LFNG: variants seen among roughly 807,000 people sequenced by gnomAD.
LFNG encodes beta-1,3-N-acetylglucosaminyltransferase lunatic fringe.
A neutral mutation model predicts 32.7 loss-of-function variants in LFNG; 15 were observed. The ratio of observed to expected loss-of-function variants is 0.46; its 90% CI spans 0.31 to 0.71. The LOEUF (loss-of-function observed/expected upper bound fraction) is 0.71. Among genes scored for constraint, LFNG ranks in the 30% least tolerant of loss-of-function variants. The probability of loss-of-function intolerance (pLI) is 0.06; values close to 1 mark genes in which losing one functional copy is unlikely to be tolerated. For synonymous variants in LFNG, 274 were observed against 246.8 expected, an observed-to-expected ratio of 1.11 and a Z score of -1.03; for missense variants, 520 against 545.7, an observed-to-expected ratio of 0.95 and a Z score of 0.47.
upstream of LFNG, among the ~76,000 whole-genome samples, chr7:2,514,271 C>A (rs558827821): frequency 1.3e-5 from 2 of 152,352 alleles, no homozygotes; most frequent in East Asian, 3.9e-4. Flanking sequence ...CGCCTTTGAG[C>A]CCTCTGTGTA....
rs756932337 is a variant in LFNG, at chr7:2,525,494, G to C, written c.662G>C (p.Arg221Pro). 1 of 1,612,376 alleles carries C rather than the reference G, an allele frequency of 6.2e-7. No individual in the cohort carries two copies. The highest frequency in any genetic ancestry group is 8.5e-7 in the Non-Finnish European group (1 of 1,179,868). Residue 221 changes from arginine (R) to proline (P), a missense_variant, in exon 4 of 8, where the codon CGG (arginine) becomes CCG (proline). Coordinates refer to ENST00000222725, the MANE Select transcript of LFNG (RefSeq NM_001040167.2). ...CTGCTGGCCAGCTACCCGCACACGC[G>C]GGACGTCTACGTCGGCAAGCCCAGC... ...LRLLASYPHTRDVYVGKPSLD... is the reference protein window; with the variant it reads ...LRLLASYPHTPDVYVGKPSLD...
upstream of LFNG, chr7:2,517,686 G>T (rs1451973999): frequency 2.2e-6 from 1 of 462,768 alleles, no homozygotes. Flanking sequence ...ACCCACCATC[G>T]GTGCCACTGA....
chr7:2,525,629 G>A, intron 4 of LFNG, 56 bp from the exon 5 acceptor site: 4 of 1,611,700 alleles, frequency 2.5e-6, no homozygotes, highest in Non-Finnish European at 3.4e-6. Flanking sequence ...GAGTGGGGGT[G>A]GGACCGTGAG....
chr7:2,522,610 C>T (rs1041762963), intron 1 of LFNG, among the ~76,000 whole-genome samples: 12 of 148,384 alleles, frequency 8.1e-5, no homozygotes, highest in Non-Finnish European at 1.8e-4. Flanking sequence ...CCCGGCTCTT[C>T]CTCCTGCAGC....
Position 2,527,461 on chromosome 7 carries a change from G to T in LFNG, c.*249G>T, listed in dbSNP as rs535224381. On this transcript the variant is annotated 3_prime_UTR_variant, in exon 8 of 8. Coordinates refer to ENST00000222725, the MANE Select transcript of LFNG (RefSeq NM_001040167.2). The surrounding 1 kb of genome is among the most constrained non-coding windows in gnomAD (Gnocchi z 4.4). ...GCTCCGAGGGCCAGTGGGCTGCAGG[G>T]CCTGCTTGGAGGAAGGATTTGTGTG... The T allele has an allele frequency of 3.7e-5, 52 of 1,414,044 alleles. No homozygotes were observed. The highest frequency in any genetic ancestry group is 4.8e-5 in the Non-Finnish European group (52 of 1,084,404). The allele number at this position is 1,414,044 out of a possible 1,614,324, so 87.6% of individuals were successfully genotyped here. A position where few individuals can be genotyped will look rare whatever the true frequency, so the allele number is the denominator to read the frequency against.
At chr7:2,517,739 G>T (rs902467987), upstream of LFNG, 7 of 551,974 alleles carry the variant, frequency 1.3e-5, no homozygotes, top group African/African-American at 3.9e-5. Context: ...ACATATTTGG[G>T]GGCTTGGCCA....
At position 2,520,391 on chromosome 7, in the gene LFNG, C is replaced by T. The variant is rs1779758246; in HGVS notation, c.432+98C>T. Reference sequence around the variant, plus strand: ...GTCCCATGGGAGTCAGGCTGCATCCCCATCCAGCCACTAGGGCCATCTGTG... The same window carrying T: ...GTCCCATGGGAGTCAGGCTGCATCCTCATCCAGCCACTAGGGCCATCTGTG... On this transcript the variant is annotated intron_variant, in intron 1 of 7. Coordinates refer to ENST00000222725, the MANE Select transcript of LFNG (RefSeq NM_001040167.2). The surrounding 1 kb of genome is among the most constrained non-coding windows in gnomAD (Gnocchi z 5.0). 6 of 1,144,530 alleles carry T rather than the reference C, an allele frequency of 5.2e-6. No individual in the cohort carries two copies. Among genetic ancestry groups the T allele is most frequent in the Non-Finnish European group, 7.4e-6 (6 of 807,210 alleles). The allele number at this position is 1,144,530 out of a possible 1,614,324, so 70.9% of individuals were successfully genotyped here.
At chr7:2,522,936 T>C (rs115442910) in intron 1 of LFNG, among the ~76,000 whole-genome samples, 3,230 of 152,268 alleles carry the variant, frequency 0.021, 99 homozygotes, top group African/African-American at 0.073. Context: ...GCAGCGCCTT[T>C]TTCCTCCCCT....
In LFNG at chr7:2,519,895, G is replaced by T. The variant is rs1367050886; in HGVS notation, c.34G>T (p.Ala12Ser). Residue 12 changes from alanine (A) to serine (S), a missense_variant, in exon 1 of 8, where the codon GCG becomes TCG. Physicochemically the swap from Ala to Ser is moderately conservative, Grantham distance 99. This residue lies in a region of LFNG where 360 missense variants were observed against 354.7 expected (regional missense o/e 1.01). Transcript: ENST00000222725. ...LKRCGRRLLL[A>S]LAGALLACLL... ...GCGCTGCGGCCGGCGCCTGCTGCTG[G>T]CGCTGGCGGGCGCGCTGCTCGCCTG... 2 of 1,101,364 alleles carry T rather than the reference G, an allele frequency of 1.8e-6. No individual in the cohort carries two copies. The highest frequency in any genetic ancestry group is 2.2e-6 in the Non-Finnish European group (2 of 900,104). The allele number at this position is 1,101,364 out of a possible 1,614,324, so 68.2% of individuals were successfully genotyped here.
intron 1 of LFNG, among the ~76,000 whole-genome samples, chr7:2,523,163 A>G (rs1382144174): frequency 6.6e-6 from 1 of 152,190 alleles, no homozygotes; most frequent in Non-Finnish European, 1.5e-5. Context: ...CTTTTAACCC[A>G]GCGGCGCAGT....
Position 2,525,444 on chromosome 7 carries a change from C to T in LFNG, c.612C>T (p.Tyr204=), listed in dbSNP as rs147266260. 2.6e-4 allele frequency: 425 copies of T among 1,612,848 alleles called. No homozygotes were observed. In the African/African-American group the frequency reaches 3.4e-3, roughly 13 times the overall value. ...KWFCHVDDDN[Y]VNLRALLRLL... is the part of the protein sequence containing the mutation. ...TCTGCCACGTGGACGATGACAACTACGTCAACCTGCGGGCCCTGCTGCGGC... is the reference window on the plus strand; with the variant it reads ...TCTGCCACGTGGACGATGACAACTATGTCAACCTGCGGGCCCTGCTGCGGC... Residue 204 remains tyrosine (Y), a synonymous_variant, in exon 4 of 8, where the codon TAC becomes TAT. Transcript: ENST00000222725.
At chr7:2,513,162 A>C, upstream of LFNG, 10 of 1,613,698 alleles carry the variant, frequency 6.2e-6, no homozygotes, top group Non-Finnish European at 8.5e-6. Context: ...CCCAGTGCCA[A>C]GCAGATCTGG....
chr7:2,516,374 C>A (rs1395964430), upstream of LFNG, among the ~76,000 whole-genome samples: 1 of 152,226 alleles, frequency 6.6e-6, no homozygotes, highest in African/African-American at 2.4e-5. Context: ...GGAAGGCAGG[C>A]CAGAGCAGCC....
At chr7:2,512,546 T>C in exon 1 of LFNG, 2 of 927,508 alleles carry the variant, frequency 2.2e-6, no homozygotes, top group Non-Finnish European at 3.4e-6. Flanking sequence ...GCTGCAACAC[T>C]GGCAGAGCCT....
rs151053753 is a variant in LFNG, at chr7:2,524,742, G to A, written c.480G>A (p.Thr160=). ...DGEDEALARH[T]GNVVITNCSA... Reference sequence around the variant, plus strand: ...AAGATGAGGCCCTGGCCAGGCACACGGGTGAGCCCTGGACTTGGGGCGGGA... The same window carrying A: ...AAGATGAGGCCCTGGCCAGGCACACAGGTGAGCCCTGGACTTGGGGCGGGA... The change falls in exon 2 of 8, where the codon ACG becomes ACA. Residue 160 remains threonine, a splice_region_variant and synonymous_variant. Transcript: ENST00000222725. The A allele has an allele frequency of 1.6e-4, 256 of 1,587,660 alleles. No homozygotes were observed. Among genetic ancestry groups the A allele is most frequent in the Non-Finnish European group, 2.1e-4 (242 of 1,167,086 alleles).
chr7:2,520,034 G>C lies in LFNG; in HGVS notation c.173G>C (p.Gly58Ala), dbSNP rs1469779486. ...GGGGCTGCCCCGGCGCCCGGGCTGG[G>C]GGCGGCGGCGGCGGCGCCCGGGGCG... is the stretch of plus-strand genomic sequence containing the variant. ...PAGAAPAPGL[G>A]AAAAAPGALV... Residue 58 changes from glycine to alanine, a missense_variant, in exon 1 of 8, where the codon GGG (glycine) becomes GCG (alanine). Gly to Ala is a moderately conservative substitution (Grantham distance 60, BLOSUM62 0). Coordinates refer to ENST00000222725, the MANE Select transcript of LFNG (RefSeq NM_001040167.2). This position sits in a 1 kb window ranked among gnomAD's most constrained non-coding sequence, Gnocchi z 5.0. 8 of 1,049,120 alleles carry C rather than the reference G, an allele frequency of 7.6e-6. No individual in the cohort carries two copies. Among genetic ancestry groups the C allele is most frequent in the Non-Finnish European group, 8.0e-6 (7 of 875,374 alleles). The allele number at this position is 1,049,120 out of a possible 1,614,324, so 65.0% of individuals were successfully genotyped here. A position where few individuals can be genotyped will look rare whatever the true frequency, so the allele number is the denominator to read the frequency against.
rs1273716297 is a variant in LFNG, at chr7:2,519,813, G to A, written c.-49G>A. 1 of 1,035,646 alleles carries A rather than the reference G, an allele frequency of 9.7e-7. No homozygotes were observed. The highest frequency in any genetic ancestry group is 1.2e-6 in the Non-Finnish European group (1 of 859,500). The allele number at this position is 1,035,646 out of a possible 1,614,324, so 64.2% of individuals were successfully genotyped here. On this transcript the variant is annotated 5_prime_UTR_variant, in exon 1 of 8. Transcript: ENST00000222725. ...CCGGAGCGACGGGCTTCGGGTCGGT[G>A]CAAGGCAGGCGCACGGGGAAGGGCG...
upstream of LFNG, among the ~76,000 whole-genome samples, chr7:2,516,789 G>A (rs1448747054): frequency 2.6e-5 from 4 of 152,232 alleles, no homozygotes; most frequent in Admixed American, 6.5e-5. Flanking sequence ...GAAGCCATGC[G>A]CCAGGGCCAG....
At position 2,526,179 on chromosome 7, in the gene LFNG, C is replaced by T. The variant is rs1779965457; in HGVS notation, c.822-65C>T. Reference sequence around the variant, plus strand: ...AGTGCAGCGCCTTTGCCTGGTGGGGCCTCCCCAGCTCCCAGCAGATGGCTC... The same window carrying T: ...AGTGCAGCGCCTTTGCCTGGTGGGGTCTCCCCAGCTCCCAGCAGATGGCTC... On this transcript the variant is annotated intron_variant, in intron 5 of 7. Transcript: ENST00000222725. This position sits in a 1 kb window ranked among gnomAD's most constrained non-coding sequence, Gnocchi z 6.9. 4.4e-6 allele frequency: 7 copies of T among 1,577,616 alleles called. No individual in the cohort carries two copies. The highest frequency in any genetic ancestry group is 6.1e-6 in the Non-Finnish European group (7 of 1,154,692).
Sources: gnomAD v4.1 joint callset for allele counts (sites outside exome capture counted in the v4.1 genomes callset) on GRCh38, gnomAD v4.1.1 for gene constraint, gnomAD v4.1.1 regional missense constraint, Gnocchi (gnomAD v3.1) non-coding constraint, MANE v1.5 for transcripts, NCBI Gene and HGNC (gene_info 2026-07-23, HGNC 2026-07-21) for gene names.